The following DAB1 variants were observed in gnomAD, a reference collection of about 807,000 sequenced individuals.
The protein encoded by DAB1 is DAB adaptor protein 1, also known as disabled homolog 1.
DAB1 carries 15 observed loss-of-function variants against 64.6 expected under a neutral mutation model. That is an observed-to-expected ratio of 0.23 (90% confidence interval 0.16 to 0.36). The LOEUF is 0.36. Among genes scored for constraint, DAB1 ranks in the 10% least tolerant of loss-of-function variants. The pLI is 1.00. For missense variants in DAB1, 596 were observed against 706.7 expected, an observed-to-expected ratio of 0.84 and a Z score of 1.78; for synonymous variants, 235 against 251.9, an observed-to-expected ratio of 0.93 and a Z score of 0.64.
intron 5 of DAB1, among the ~76,000 whole-genome samples, chr1:58,111,722 C>T (rs779220736): frequency 3.3e-5 from 5 of 152,124 alleles, no homozygotes; most frequent in Non-Finnish European, 7.3e-5. Flanking sequence ...CTAGATCTAT[C>T]CACTTGTCTC....
intron 7 of DAB1, among the ~76,000 whole-genome samples, chr1:57,541,838 T>C (rs757974869): frequency 1.1e-4 from 17 of 152,208 alleles, no homozygotes; most frequent in Non-Finnish European, 1.9e-4. Flanking sequence ...CAGTAGTCAT[T>C]GTTAGATACT....
chr1:57,380,665 G>A (rs2100969375), intron 1 of DAB1, among the ~76,000 whole-genome samples: 1 of 152,272 alleles, frequency 6.6e-6, no homozygotes, highest in South Asian at 2.1e-4. Flanking sequence ...GCTCTTACAG[G>A]GCTAGGTCCA....
chr1:57,951,332 A>ATATATATATAT (rs1491577001), intron 5 of DAB1, among the ~76,000 whole-genome samples: 2 of 127,714 alleles, frequency 1.6e-5, no homozygotes, highest in Non-Finnish European at 3.6e-5. Context: ...ATATATATAT[A>ATATATATATAT]CTTCCCTGGA....
At chr1:58,335,694 A>G (rs1207899378) in intron 4 of DAB1, among the ~76,000 whole-genome samples, 3 of 152,074 alleles carry the variant, frequency 2.0e-5, no homozygotes, top group Non-Finnish European at 4.4e-5. Flanking sequence ...AACTGGTTGG[A>G]TGGGGATTAT....
At position 57,436,979 on chromosome 1, in the gene DAB1, G is replaced by A. The variant is rs192415731; in HGVS notation, n.626-145813C>T. 7.4e-3 allele frequency among the ~76,000 whole-genome samples: 996 copies of A among 135,200 alleles called. 6 individuals are homozygous for A. The highest frequency in any genetic ancestry group is 0.011 in the African/African-American group (408 of 35,690). The allele number at this position is 135,200 out of a possible 152,430, so 88.7% of individuals were successfully genotyped here. On this transcript the variant is annotated intron_variant and non_coding_transcript_variant, in intron 7 of 20. Transcript: ENST00000485760. ...GGAGGCGGAGCTTGCAGTGAGCCTAGATCACACCACTGCACTCCAGCACTC... is the reference window on the plus strand; with the variant it reads ...GGAGGCGGAGCTTGCAGTGAGCCTAAATCACACCACTGCACTCCAGCACTC...
intron 5 of DAB1, among the ~76,000 whole-genome samples, chr1:57,901,023 T>C (rs1352023266): frequency 9.5e-6 from 1 of 104,762 alleles, no homozygotes; most frequent in Non-Finnish European, 2.4e-5. Flanking sequence ...CTTTTACATA[T>C]GTTAACTATG....
At chr1:57,047,677 C>A (rs763523349) in intron 9 of DAB1, among the ~76,000 whole-genome samples, 9 of 152,178 alleles carry the variant, frequency 5.9e-5, no homozygotes, top group Admixed American at 2.0e-4. Flanking sequence ...GTTTAAACCA[C>A]CTCGTCTGTG....
At chr1:58,366,222 C>T (rs1458843613) in intron 3 of DAB1, among the ~76,000 whole-genome samples, 3 of 152,134 alleles carry the variant, frequency 2.0e-5, no homozygotes. Flanking sequence ...TTGCCTTTCC[C>T]TCTTGCAAGC....
intron 7 of DAB1, among the ~76,000 whole-genome samples, chr1:57,468,487 T>C (rs1442157102): frequency 1.3e-5 from 2 of 152,176 alleles, no homozygotes; most frequent in African/African-American, 4.8e-5. Context: ...CTATAGAATT[T>C]TGAGGGAAAT....
At position 57,961,943 on chromosome 1, in the gene DAB1, G is replaced by A. The variant is rs899271458; in HGVS notation, n.388-77781C>T. Among the ~76,000 whole-genome samples, 4 of 151,220 alleles carry A rather than the reference G, an allele frequency of 2.6e-5. No homozygotes were observed. The Admixed American group carries it at 2.7e-4, about 10-fold the overall frequency. ...GTTGAGATCACGCCATTGCACTCCAGCCTGGGCAACAAGAGTGAAACTCTG... is the reference window on the plus strand; with the variant it reads ...GTTGAGATCACGCCATTGCACTCCAACCTGGGCAACAAGAGTGAAACTCTG... On this transcript the variant is annotated intron_variant and non_coding_transcript_variant, in intron 5 of 20. Coordinates refer to the DAB1 transcript ENST00000485760.
chr1:57,637,915 A>C (rs555558234), intron 7 of DAB1, among the ~76,000 whole-genome samples: 2 of 152,316 alleles, frequency 1.3e-5, no homozygotes, highest in East Asian at 3.9e-4. Context: ...GGATCGACTT[A>C]ATAATGGAGC....
intron 8 of DAB1, among the ~76,000 whole-genome samples, chr1:57,068,634 A>G (rs1157060908): frequency 6.6e-6 from 1 of 152,318 alleles, no homozygotes; most frequent in East Asian, 1.9e-4. Flanking sequence ...GTTGCAGGTC[A>G]TCATATCTAT....
chr1:58,137,193 G>T (rs1448371702), intron 5 of DAB1, among the ~76,000 whole-genome samples: 1 of 152,094 alleles, frequency 6.6e-6, no homozygotes, highest in Non-Finnish European at 1.5e-5. Context: ...AGAATTACAA[G>T]ACTAAAATCT....
At chr1:58,539,313 G>GAA in intron 1 of DAB1, 1 of 797,690 alleles carries the variant, frequency 1.3e-6, no homozygotes, top group African/African-American at 1.7e-5. Flanking sequence ...TTGACTACCT[G>GAA]AAACAAAAAA....
chr1:57,849,576 C>T (rs1653431520), intron 1 of DAB1, among the ~76,000 whole-genome samples: 1 of 152,128 alleles, frequency 6.6e-6, no homozygotes, highest in Non-Finnish European at 1.5e-5. Flanking sequence ...AGAAACTTTC[C>T]CACTTTTAGA....
upstream of DAB1, among the ~76,000 whole-genome samples, chr1:57,426,674 T>G (rs954174043): frequency 1.3e-5 from 2 of 152,102 alleles, no homozygotes; most frequent in Non-Finnish European, 2.9e-5. Context: ...TATTAACTCA[T>G]TTGACCTTCA....
chr1:58,003,207 G>C (rs72922581), intron 5 of DAB1, among the ~76,000 whole-genome samples: 243 of 152,294 alleles, frequency 1.6e-3, no homozygotes, highest in Middle Eastern at 6.8e-3. Context: ...CCAGTCACCA[G>C]GGCATAGTAG....
At chr1:58,015,848 T>C (rs1456418899) in intron 5 of DAB1, among the ~76,000 whole-genome samples, 3 of 152,186 alleles carry the variant, frequency 2.0e-5, no homozygotes, top group African/African-American at 7.2e-5. Context: ...TGACATTTAA[T>C]CATGAAGCAA....
At chr1:58,176,197 C>G (rs916536993) in intron 4 of DAB1, among the ~76,000 whole-genome samples, 1 of 152,192 alleles carries the variant, frequency 6.6e-6, no homozygotes, top group African/African-American at 2.4e-5. Flanking sequence ...TCTTAGAAAG[C>G]TCTTCTTTAC....
Sources: allele counts gnomAD v4.1 joint callset (sites outside exome capture counted in the v4.1 genomes callset), GRCh38; gene constraint gnomAD v4.1.1; transcripts MANE v1.5; gene names NCBI Gene and HGNC (gene_info 2026-07-23, HGNC 2026-07-21).